LYZL4: variants seen among roughly 807,000 people sequenced by gnomAD.
LYZL4 encodes lysozyme like 4, also known as lysozyme-like protein 4.
LYZL4 carries 13 observed loss-of-function variants against 17.6 expected under a neutral mutation model. That is an observed-to-expected ratio of 0.74 (90% CI 0.48 to 1.18). LYZL4 has a LOEUF of 1.18. LYZL4 is among the 50% of genes most tolerant of loss of function. The pLI is 0.00. For synonymous variants in LYZL4, 64 were observed against 67.7 expected (o/e 0.95, Z 0.27); for missense variants, 174 against 188.2 (o/e 0.92, Z 0.44).
the LYZL4 span, among the ~76,000 whole-genome samples, chr3:42,373,358 T>A: frequency 6.6e-6 from 1 of 152,038 alleles, no homozygotes; most frequent in South Asian, 2.1e-4. Context: ...AACCCTATAT[T>A]CCTGGGTGCC....
chr3:42,373,354 A>C, the LYZL4 span, among the ~76,000 whole-genome samples: 2 of 152,052 alleles, frequency 1.3e-5, no homozygotes. Context: ...CCCAAACCCT[A>C]TATTCCTGGG....
chr3:42,398,664 C>T (rs111341654), intron 4 of LYZL4, among the ~76,000 whole-genome samples: 6,994 of 152,154 alleles, frequency 0.046, 518 homozygotes, highest in African/African-American at 0.16. Flanking sequence ...AAATTTTAAG[C>T]ATTAAAAACA....
In LYZL4 at chr3:42,397,343, A is replaced by G. The variant is rs764621660; in HGVS notation, c.372-9T>C. ...ACCGGGACCAGGTGGGCCTGTGGAG[A>G]GAAGTGAACAGGAAGGGCTCCTCAA... On this transcript the variant is annotated splice_polypyrimidine_tract_variant and intron_variant, in intron 4 of 4. Coordinates refer to ENST00000287748, the MANE Select transcript of LYZL4 (RefSeq NM_144634.4). 3 of 1,560,940 alleles carry G rather than the reference A, an allele frequency of 1.9e-6. No homozygotes were observed. Among genetic ancestry groups the G allele is most frequent in the Non-Finnish European group, 1.7e-6 (2 of 1,150,082 alleles).
chr3:42,388,088 C>G, the LYZL4 span, among the ~76,000 whole-genome samples: 1 of 152,176 alleles, frequency 6.6e-6, no homozygotes, highest in East Asian at 1.9e-4. Context: ...ATTCATCATC[C>G]TGTAAGTGGG....
chr3:42,397,902 T>C (rs1239497728), intron 4 of LYZL4, among the ~76,000 whole-genome samples: 1 of 152,218 alleles, frequency 6.6e-6, no homozygotes, highest in African/African-American at 2.4e-5. Flanking sequence ...GATTCCCTTG[T>C]TCTGGGTCCC....
the LYZL4 span, among the ~76,000 whole-genome samples, chr3:42,373,070 G>A: frequency 3.9e-5 from 6 of 152,240 alleles, no homozygotes; most frequent in Middle Eastern, 6.8e-3. Context: ...TTTTAGCAGG[G>A]CATGGTGGCG....
chr3:42,399,097 C>A (rs1698608493), intron 4 of LYZL4, among the ~76,000 whole-genome samples: 1 of 152,198 alleles, frequency 6.6e-6, no homozygotes, highest in African/African-American at 2.4e-5. Flanking sequence ...ACATGTTCAA[C>A]TTCCTTTGTA....
chr3:42,366,234 C>T, the LYZL4 span, among the ~76,000 whole-genome samples: 39,350 of 152,068 alleles, frequency 0.26, 5,678 homozygotes, highest in Non-Finnish European at 0.33. Flanking sequence ...AACTGCAGGC[C>T]CTCGTGTGTG....
chr3:42,381,066 A>G, the LYZL4 span, among the ~76,000 whole-genome samples: 1 of 152,260 alleles, frequency 6.6e-6, no homozygotes, highest in Non-Finnish European at 1.5e-5. Flanking sequence ...ACCTGAACCC[A>G]ATACTGGCTA....
chr3:42,387,377 T>C, the LYZL4 span, among the ~76,000 whole-genome samples: 1 of 152,196 alleles, frequency 6.6e-6, no homozygotes, highest in Non-Finnish European at 1.5e-5. Context: ...GAGAATTTCA[T>C]GTGTGTCACT....
chr3:42,380,209 T>C, the LYZL4 span, among the ~76,000 whole-genome samples: 3 of 152,200 alleles, frequency 2.0e-5, no homozygotes, highest in South Asian at 2.1e-4. Flanking sequence ...TCATCACCTA[T>C]GGCTAGGGGG....
the LYZL4 span, among the ~76,000 whole-genome samples, chr3:42,375,661 C>A: frequency 6.6e-6 from 1 of 152,158 alleles, no homozygotes; most frequent in Non-Finnish European, 1.5e-5. Flanking sequence ...GCTGAGGAGG[C>A]ATAAGGAGAA....
chr3:42,364,341 CT>C, the LYZL4 span, among the ~76,000 whole-genome samples: 488 of 119,836 alleles, frequency 4.1e-3, 1 homozygote, highest in African/African-American at 6.5e-3. Context: ...TTTTTCTTTT[CT>C]TTTTTTTTTT....
chr3:42,408,620 T>C (rs930378665), intron 1 of LYZL4, among the ~76,000 whole-genome samples: 1 of 152,170 alleles, frequency 6.6e-6, no homozygotes, highest in African/African-American at 2.4e-5. Context: ...GACTAGAATG[T>C]GCAATTGGAA....
At position 42,397,096 on chromosome 3, in the gene LYZL4, T is replaced by G; in HGVS notation, c.*169A>C. On this transcript the variant is annotated 3_prime_UTR_variant, in exon 5 of 5. Transcript: ENST00000287748. ...CTTTGGCCCAAGTTGAGTAACTAGT[T>G]TGGTTTATTCTGCATCCTGCATCCC... 1.9e-6 allele frequency: 1 copy of G among 523,184 alleles called. No homozygotes were observed. Among genetic ancestry groups the G allele is most frequent in the Non-Finnish European group, 3.5e-6 (1 of 283,718 alleles). 32.4% of individuals were successfully genotyped at this position (523,184 alleles called of 1,614,324 possible). A position where few individuals can be genotyped will look rare whatever the true frequency, so the allele number is the denominator to read the frequency against.
In LYZL4 at chr3:42,404,205, C is replaced by A. The variant is rs1315319750; in HGVS notation, c.293-81G>T. 3 of 837,914 alleles carry A rather than the reference C, an allele frequency of 3.6e-6. No homozygotes were observed. The Admixed American group carries it at 6.6e-5, about 19-fold the overall frequency. 51.9% of individuals were successfully genotyped at this position (837,914 alleles called of 1,614,324 possible). The stretch of plus-strand genomic sequence containing the variant: ...GTGATGTCAGGGAAGGTACAGGGTA[C>A]TCACATCAGAGAGTCTTCCAGTGAA... On this transcript the variant is annotated intron_variant, in intron 3 of 4. Transcript: ENST00000287748.
chr3:42,377,932 T>A, the LYZL4 span, among the ~76,000 whole-genome samples: 1 of 152,170 alleles, frequency 6.6e-6, no homozygotes, highest in African/African-American at 2.4e-5. Context: ...TTACCATGAC[T>A]CAGCTCGCCA....
At chr3:42,365,612 T>C in the LYZL4 span, among the ~76,000 whole-genome samples, 1 of 152,160 alleles carries the variant, frequency 6.6e-6, no homozygotes, top group Non-Finnish European at 1.5e-5. Flanking sequence ...AACATCCCAT[T>C]GGCCAAAGCA....
chr3:42,364,879 A>T, the LYZL4 span, among the ~76,000 whole-genome samples: 1 of 152,172 alleles, frequency 6.6e-6, no homozygotes, highest in Non-Finnish European at 1.5e-5. Flanking sequence ...TAAGTCTAAA[A>T]GTGGCCTACT....
Sources: allele counts gnomAD v4.1 joint callset (sites outside exome capture counted in the v4.1 genomes callset), GRCh38; gene constraint gnomAD v4.1.1; transcripts MANE v1.5; gene names NCBI Gene and HGNC (gene_info 2026-07-23, HGNC 2026-07-21).